TDRD9: variants seen among roughly 807,000 people sequenced by gnomAD.
The protein encoded by TDRD9 is ATP-dependent RNA helicase TDRD9.
TDRD9 carries 124 observed loss-of-function variants against 172.6 expected under a neutral mutation model. That is an observed-to-expected ratio of 0.72 (90% CI 0.62 to 0.83). The LOEUF (loss-of-function observed/expected upper bound fraction) is 0.83, where lower values mean the gene tolerates loss of function less well. Ranked by LOEUF, TDRD9 falls within the 40% of genes least tolerant of loss-of-function variation. The probability of loss-of-function intolerance (pLI) is 0.00; values close to 1 mark genes in which losing one functional copy is unlikely to be tolerated. For synonymous variants in TDRD9, 619 were observed against 617.1 expected (o/e 1.00, Z -0.05); for missense variants, 1,479 against 1,714.1 (o/e 0.86, Z 2.42).
chr14:103,935,016 A>G (rs936738153), intron 1 of TDRD9, among the ~76,000 whole-genome samples: 8 of 152,152 alleles, frequency 5.3e-5, no homozygotes, highest in African/African-American at 1.9e-4. Flanking sequence ...TCAGTTGAAG[A>G]CCTGAATGCA....
intron 30 of TDRD9, among the ~76,000 whole-genome samples, chr14:104,032,354 G>A (rs183303668): frequency 3.3e-4 from 50 of 152,094 alleles, no homozygotes; most frequent in African/African-American, 1.1e-3. Context: ...TTACAGGCAC[G>A]TGCCACCACA....
intron 1 of TDRD9, among the ~76,000 whole-genome samples, chr14:103,938,412 GTGTA>G (rs1209957666): frequency 1.1e-4 from 8 of 73,040 alleles, no homozygotes; most frequent in African/African-American, 4.1e-4. Context: ...GTGTGTGTGT[GTGTA>G]TATATATATA....
intron 13 of TDRD9, among the ~76,000 whole-genome samples, chr14:104,001,900 C>T (rs2034272517): frequency 6.6e-6 from 1 of 150,384 alleles, no homozygotes; most frequent in Non-Finnish European, 1.5e-5. Flanking sequence ...AGCCACTGTG[C>T]CCGGCCTATG....
intron 25 of TDRD9, 151 bp from the exon 26 acceptor site, chr14:104,025,413 C>G (rs955489531): frequency 1.6e-6 from 1 of 640,244 alleles, no homozygotes; most frequent in Non-Finnish European, 2.7e-6. Context: ...TCATAAACAC[C>G]TGTTAAAAAC....
At chr14:103,945,478 T>G (rs1371247631) in intron 1 of TDRD9, 1 of 152,240 alleles carries the variant, frequency 6.6e-6, no homozygotes, top group East Asian at 1.9e-4. Context: ...ATTACAGTAT[T>G]TCTTCTACTG....
At chr14:104,038,202 G>T (rs1459975672) in intron 32 of TDRD9, among the ~76,000 whole-genome samples, 1 of 152,168 alleles carries the variant, frequency 6.6e-6, no homozygotes, top group Non-Finnish European at 1.5e-5. Flanking sequence ...AGGCATGAGA[G>T]GGTGGGGGGA....
intron 7 of TDRD9, among the ~76,000 whole-genome samples, chr14:103,978,380 A>G (rs1006928320): frequency 3.9e-5 from 6 of 152,182 alleles, no homozygotes; most frequent in African/African-American, 1.4e-4. Context: ...CAGGAGTTTG[A>G]GAAAGAAAGC....
intron 7 of TDRD9, among the ~76,000 whole-genome samples, chr14:103,979,930 C>G (rs921168867): frequency 1.3e-5 from 2 of 149,974 alleles, no homozygotes; most frequent in Admixed American, 1.3e-4. Flanking sequence ...GGCCGGAGTG[C>G]ATTGGTGCGA....
chr14:104,029,680 A>C (rs1209132835), intron 28 of TDRD9, among the ~76,000 whole-genome samples: 1 of 152,022 alleles, frequency 6.6e-6, no homozygotes, highest in Non-Finnish European at 1.5e-5. Context: ...CCTCTTGCCT[A>C]ATTTCTCTGG....
At position 104,042,143 on chromosome 14, in the gene TDRD9, G is replaced by A. The variant is rs1222932682; in HGVS notation, c.3930G>A (p.Glu1310=). The change falls in exon 34 of 36, where the codon GAG becomes GAA. Residue 1310 remains glutamate (E), a synonymous_variant. Coordinates refer to ENST00000409874, the MANE Select transcript of TDRD9 (RefSeq NM_153046.3). ...GPNGCKCLGP[E]RVAQLQDIAR... is the part of the protein sequence containing the mutation. Reference sequence around the variant, plus strand: ...ATGGATGCAAGTGTCTTGGGCCAGAGAGAGTTGCGCAGCTTCAAGACATTG... The same window carrying A: ...ATGGATGCAAGTGTCTTGGGCCAGAAAGAGTTGCGCAGCTTCAAGACATTG... 6.2e-7 allele frequency: 1 copy of A among 1,613,676 alleles called. No individual in the cohort carries two copies. The highest frequency in any genetic ancestry group is 1.3e-5 in the African/African-American group (1 of 74,944).
intron 12 of TDRD9, 23 bp downstream of exon 12, chr14:103,995,830 TC>T: frequency 6.3e-7 from 1 of 1,591,674 alleles, no homozygotes; most frequent in Non-Finnish European, 8.5e-7. Context: ...TCCGTTTACC[TC>T]CTGGCATTAG....
intron 22 of TDRD9, among the ~76,000 whole-genome samples, chr14:104,016,926 A>G (rs1240078557): frequency 6.6e-6 from 1 of 152,102 alleles, no homozygotes; most frequent in African/African-American, 2.4e-5. Context: ...ACTTGAGATT[A>G]CAACTGGAGG....
At chr14:104,018,825 A>G (rs1404972854) in intron 23 of TDRD9, among the ~76,000 whole-genome samples, 2 of 152,238 alleles carry the variant, frequency 1.3e-5, no homozygotes, top group African/African-American at 2.4e-5. Flanking sequence ...TTAACTTTAC[A>G]AAGCTTTGTA....
At chr14:103,938,470 G>A (rs1283160876) in intron 1 of TDRD9, among the ~76,000 whole-genome samples, 5 of 102,092 alleles carry the variant, frequency 4.9e-5, no homozygotes, top group Middle Eastern at 8.9e-3. Context: ...ATGGTGTCTC[G>A]CTCTGTTGCG....
chr14:103,991,248 C>A (rs373249107), intron 9 of TDRD9, 24 bp downstream of exon 9: 1 of 1,613,068 alleles, frequency 6.2e-7, no homozygotes, highest in African/African-American at 1.3e-5. Context: ...AATTTTGTGA[C>A]TTGGAATCAT....
chr14:103,961,677 AT>A (rs2032519494), intron 2 of TDRD9, among the ~76,000 whole-genome samples: 1 of 151,988 alleles, frequency 6.6e-6, no homozygotes, highest in African/African-American at 2.4e-5. Context: ...CAAAGAAGCT[AT>A]TTTTGCTTTG....
At chr14:103,929,776 T>C (rs1479553798) in intron 1 of TDRD9, among the ~76,000 whole-genome samples, 1 of 152,216 alleles carries the variant, frequency 6.6e-6, no homozygotes, top group Admixed American at 6.5e-5. Flanking sequence ...CACCTCAGCC[T>C]CCCAAAGTGC....
intron 35 of TDRD9, among the ~76,000 whole-genome samples, chr14:104,051,773 G>C (rs958658818): frequency 6.6e-6 from 1 of 152,118 alleles, no homozygotes; most frequent in South Asian, 2.1e-4. Context: ...CATGTCTTTT[G>C]TCCATCTTTA....
chr14:103,941,656 A>G, intron 1 of TDRD9: 1 of 1,530,332 alleles, frequency 6.5e-7, no homozygotes, highest in Non-Finnish European at 8.7e-7. Context: ...GGTTTGTAGG[A>G]ATCGTTTTTG....
Sources: allele counts gnomAD v4.1 joint callset (sites outside exome capture counted in the v4.1 genomes callset), GRCh38; gene constraint gnomAD v4.1.1; transcripts MANE v1.5; gene names NCBI Gene and HGNC (gene_info 2026-07-23, HGNC 2026-07-21).